DOCK1: variants seen among roughly 807,000 people sequenced by gnomAD.
DOCK1 encodes the protein dedicator of cytokinesis 1, also known as dedicator of cytokinesis protein 1.
In DOCK1, 138 loss-of-function variants were observed where a neutral mutation model predicts 262.7. The ratio of observed to expected loss-of-function variants is 0.53; its 90% CI spans 0.46 to 0.61. The LOEUF (loss-of-function observed/expected upper bound fraction) is 0.61. Among genes scored for constraint, DOCK1 ranks in the 20% least tolerant of loss-of-function variants. The probability of loss-of-function intolerance (pLI) is 0.00; values close to 1 mark genes in which losing one functional copy is unlikely to be tolerated. For missense variants in DOCK1, 1,908 were observed against 2,370.7 expected (o/e 0.80, Z 4.05); for synonymous variants, 866 against 867.4 (o/e 1.00, Z 0.03).
chr10:127,214,353 GT>G (rs2134366212), intron 27 of DOCK1, among the ~76,000 whole-genome samples: 1 of 152,228 alleles, frequency 6.6e-6, no homozygotes, highest in Non-Finnish European at 1.5e-5. Context: ...TCTCTTTTTA[GT>G]TTTACCACAT....
intron 29 of DOCK1, among the ~76,000 whole-genome samples, chr10:127,289,166 A>G (rs1229933082): frequency 6.6e-6 from 1 of 152,196 alleles, no homozygotes; most frequent in African/African-American, 2.4e-5. Flanking sequence ...AAACACGCAC[A>G]CACAGATGCG....
chr10:127,174,968 G>A (rs527666470), intron 27 of DOCK1, among the ~76,000 whole-genome samples: 63 of 152,266 alleles, frequency 4.1e-4, no homozygotes, highest in African/African-American at 1.3e-3. Flanking sequence ...TCTAAGCATA[G>A]GTATGGTTTG....
At chr10:126,951,655 G>C (rs1271774966) in intron 1 of DOCK1, among the ~76,000 whole-genome samples, 1 of 151,742 alleles carries the variant, frequency 6.6e-6, no homozygotes, top group Non-Finnish European at 1.5e-5. Context: ...TGTAGTATTG[G>C]TGACAATGGT....
At chr10:127,377,433 A>G (rs1484742036) in intron 35 of DOCK1, among the ~76,000 whole-genome samples, 2 of 152,216 alleles carry the variant, frequency 1.3e-5, no homozygotes, top group Non-Finnish European at 2.9e-5. Context: ...AATGAAGCCT[A>G]AAGTTAAAAA....
chr10:127,125,621 G>C lies in DOCK1; in HGVS notation c.2751+20G>C, dbSNP rs371666904. On this transcript the variant is annotated intron_variant, in intron 26 of 51. Transcript: ENST00000623213. The stretch of plus-strand genomic sequence containing the variant: ...GACGTGGTGAGTGTTGGCTCTGTGC[G>C]TGACGTCCTGCCATTTGCCTGAACC... The C allele has an allele frequency of 6.2e-7, 1 of 1,604,960 alleles. No homozygotes were observed. Among genetic ancestry groups the C allele is most frequent in the East Asian group, 2.2e-5 (1 of 44,652 alleles).
At chr10:127,329,530 A>C (rs9663402) in intron 29 of DOCK1, among the ~76,000 whole-genome samples, 5,648 of 150,240 alleles carry the variant, frequency 0.038, 345 homozygotes, top group African/African-American at 0.13. Flanking sequence ...TGGGGCGAGC[A>C]GACACTGGGG....
rs535330737 is a variant in DOCK1 at position 127,362,128 on chromosome 10, C to T, written c.3348C>T (p.Pro1116=). The T allele has an allele frequency of 1.7e-5, 28 of 1,613,684 alleles. No homozygotes were observed. Among genetic ancestry groups the T allele is most frequent in the African/African-American group, 2.7e-5 (2 of 74,988 alleles). The change falls in exon 33 of 52, where the codon CCC becomes CCT. Residue 1116 remains proline, a synonymous_variant. Transcript: ENST00000623213. Reference sequence around the variant, plus strand: ...CAATATTAGAAATGACATTAATTCCCGAGACGGAGCTGCGCAAAGCCACCA... The same window carrying T: ...CAATATTAGAAATGACATTAATTCCTGAGACGGAGCTGCGCAAAGCCACCA... ...VGPILEMTLI[P]ETELRKATIP...
intron 25 of DOCK1, among the ~76,000 whole-genome samples, chr10:127,115,700 A>G (rs1467670084): frequency 6.6e-6 from 1 of 152,266 alleles, no homozygotes; most frequent in Admixed American, 6.5e-5. Context: ...AATAAAATGA[A>G]TCAAGCTGAG....
chr10:126,923,158 A>T (rs1460185845), intron 1 of DOCK1, among the ~76,000 whole-genome samples: 2 of 152,240 alleles, frequency 1.3e-5, no homozygotes, highest in Non-Finnish European at 2.9e-5. Flanking sequence ...GCTTATGGGC[A>T]GTATAAAGCT....
intron 1 of DOCK1, among the ~76,000 whole-genome samples, chr10:126,917,699 C>T (rs189353884): frequency 6.3e-4 from 96 of 152,200 alleles, no homozygotes; most frequent in African/African-American, 1.6e-3. Flanking sequence ...CAAGATTTTG[C>T]GAGAGCTGAG....
intron 12 of DOCK1, among the ~76,000 whole-genome samples, chr10:127,013,918 A>G (rs2041664043): frequency 6.6e-6 from 1 of 152,242 alleles, no homozygotes; most frequent in South Asian, 2.1e-4. Context: ...CCGGGACTGC[A>G]GGGCGCTGCC....
intron 29 of DOCK1, among the ~76,000 whole-genome samples, chr10:127,275,946 C>T (rs1029547396): frequency 1.8e-4 from 27 of 152,246 alleles, no homozygotes; most frequent in African/African-American, 5.5e-4. Context: ...CCACGCATGG[C>T]GTACAGGCCG....
chr10:127,178,087 A>AG (rs1167196242), intron 27 of DOCK1, among the ~76,000 whole-genome samples: 3 of 152,156 alleles, frequency 2.0e-5, no homozygotes, highest in Non-Finnish European at 2.9e-5. Context: ...TGGTTCCATA[A>AG]GGGGGAAGAA....
intron 4 of DOCK1, among the ~76,000 whole-genome samples, chr10:126,983,295 C>T (rs184491185): frequency 2.1e-4 from 32 of 152,310 alleles, no homozygotes; most frequent in South Asian, 2.1e-4. Context: ...TGAAGAACCC[C>T]GGCCTTCAGG....
intron 6 of DOCK1, among the ~76,000 whole-genome samples, chr10:126,991,002 G>A (rs1327727695): frequency 6.6e-6 from 1 of 152,246 alleles, no homozygotes; most frequent in Non-Finnish European, 1.5e-5. Flanking sequence ...CAGGTTCTGA[G>A]CATTGGAGTG....
rs184200837 is a variant in DOCK1 at position 127,404,531 on chromosome 10, C to G, written c.4122+102C>G. ...TGGGGAGTTTGCATCCGCGTGGGAT[C>G]GTGCAACTCTCTACACTGCCATAGC... On this transcript the variant is annotated intron_variant, in intron 40 of 51. Coordinates refer to ENST00000623213, the MANE Select transcript of DOCK1 (RefSeq NM_001290223.2). 6.0e-5 allele frequency: 65 copies of G among 1,085,406 alleles called. No homozygotes were observed. In the East Asian group the frequency reaches 1.6e-3, roughly 27 times the overall value. 67.2% of individuals were successfully genotyped at this position (1,085,406 alleles called of 1,614,324 possible). A position where few individuals can be genotyped will look rare whatever the true frequency, so the allele number is the denominator to read the frequency against.
chr10:127,149,107 A>G (rs569922878), intron 27 of DOCK1, among the ~76,000 whole-genome samples: 1 of 152,268 alleles, frequency 6.6e-6, no homozygotes, highest in East Asian at 1.9e-4. Context: ...GACTCTCCAC[A>G]CTTTTACCCT....
intron 1 of DOCK1, among the ~76,000 whole-genome samples, chr10:126,925,789 G>A (rs774008776): frequency 1.3e-5 from 2 of 150,096 alleles, no homozygotes. Context: ...TGCATCTGCA[G>A]AAATAGGTCT....
intron 1 of DOCK1, among the ~76,000 whole-genome samples, chr10:126,924,395 G>A (rs187506562): frequency 3.4e-4 from 47 of 139,704 alleles, no homozygotes; most frequent in African/African-American, 1.3e-3. Flanking sequence ...AGTAGGGGGA[G>A]GCTGTGAGTG....
Sources: gnomAD v4.1 joint callset for allele counts (sites outside exome capture counted in the v4.1 genomes callset) on GRCh38, gnomAD v4.1.1 for gene constraint, MANE v1.5 for transcripts, NCBI Gene and HGNC (gene_info 2026-07-23, HGNC 2026-07-21) for gene names.